The following TOX variants were observed in gnomAD, a reference collection of about 807,000 sequenced individuals.
TOX encodes thymocyte selection associated high mobility group box.
A neutral mutation model predicts 53.7 loss-of-function variants in TOX; 11 were observed. The ratio of observed to expected loss-of-function variants is 0.20; its 90% confidence interval spans 0.13 to 0.34. The LOEUF is 0.34. Among genes scored for constraint, TOX ranks in the 10% least tolerant of loss-of-function variants. The pLI, the probability that TOX is intolerant of heterozygous loss-of-function variation, is 1.00. For synonymous variants in TOX, 225 were observed against 245.3 expected (o/e 0.92, Z 0.77); for missense variants, 570 against 664.6 (o/e 0.86, Z 1.56).
intron 1 of TOX, among the ~76,000 whole-genome samples, chr8:59,110,200 T>C (rs968403073): frequency 2.6e-5 from 4 of 152,184 alleles, no homozygotes; most frequent in African/African-American, 9.6e-5. Context: ...TCATTAGCTT[T>C]GATATTAAGC....
At chr8:58,855,253 G>A (rs1810894386) in intron 3 of TOX, among the ~76,000 whole-genome samples, 1 of 151,980 alleles carries the variant, frequency 6.6e-6, no homozygotes, top group African/African-American at 2.4e-5. Flanking sequence ...TTATTAATGG[G>A]AAATGTTCTC....
chr8:58,960,003 G>A lies in TOX; in HGVS notation c.108C>T (p.Asp36=), dbSNP rs375176603. 1.1e-5 allele frequency: 17 copies of A among 1,613,954 alleles called. No individual in the cohort carries two copies. Among genetic ancestry groups the A allele is most frequent in the African/African-American group, 4.0e-5 (3 of 74,904 alleles). ...CLDPYYCNKF[D]GENMYMSMTE... is the part of the protein sequence containing the mutation. ...TCATGCTCATATACATGTTCTCACC[G>A]TCAAACTGCGAATGAAATAATAGTA... The change falls in exon 2 of 9, where the codon GAC becomes GAT. Residue 36 remains aspartate (D), a synonymous_variant. Coordinates refer to ENST00000361421, the MANE Select transcript of TOX (RefSeq NM_014729.3).
At chr8:59,035,485 T>C (rs535403710) in intron 1 of TOX, among the ~76,000 whole-genome samples, 1 of 152,340 alleles carries the variant, frequency 6.6e-6, no homozygotes, top group African/African-American at 2.4e-5. Flanking sequence ...AACGATCCTC[T>C]GTGTCAGCCT....
At chr8:58,885,894 T>C (rs1158654108) in intron 3 of TOX, among the ~76,000 whole-genome samples, 1 of 152,150 alleles carries the variant, frequency 6.6e-6, no homozygotes, top group East Asian at 1.9e-4. Context: ...AAAGGGATTT[T>C]CTAGAGTAGG....
intron 3 of TOX, among the ~76,000 whole-genome samples, chr8:58,926,491 G>T (rs1812162227): frequency 2.6e-5 from 4 of 152,186 alleles, no homozygotes; most frequent in African/African-American, 7.2e-5. Flanking sequence ...TTTGGCTTTT[G>T]TGAAGGCACT....
intron 1 of TOX, among the ~76,000 whole-genome samples, chr8:59,076,022 G>C (rs1804287520): frequency 6.6e-6 from 1 of 151,614 alleles, no homozygotes; most frequent in Non-Finnish European, 1.5e-5. Context: ...AAAAAAAAGG[G>C]GGTCAGGAAG....
chr8:59,070,996 T>C (rs928021208), intron 1 of TOX, among the ~76,000 whole-genome samples: 1 of 152,202 alleles, frequency 6.6e-6, no homozygotes, highest in African/African-American at 2.4e-5. Flanking sequence ...ATGGTGTTTC[T>C]GATTTTTCAG....
At chr8:59,037,327 C>T (rs1803488181) in intron 1 of TOX, among the ~76,000 whole-genome samples, 1 of 152,034 alleles carries the variant, frequency 6.6e-6, no homozygotes, top group South Asian at 2.1e-4. Flanking sequence ...GTCTCAACTG[C>T]CCACTTCCCT....
chr8:59,010,499 A>G (rs930648544), intron 1 of TOX, among the ~76,000 whole-genome samples: 5 of 152,074 alleles, frequency 3.3e-5, no homozygotes, highest in African/African-American at 1.2e-4. Flanking sequence ...TTATTTAGTT[A>G]CCTCTCTGCC....
intron 3 of TOX, among the ~76,000 whole-genome samples, chr8:58,867,612 A>T (rs965187967): frequency 1.3e-5 from 2 of 152,220 alleles, no homozygotes; most frequent in African/African-American, 4.8e-5. Flanking sequence ...TAACATGTAC[A>T]TGAATCTTTT....
intron 1 of TOX, among the ~76,000 whole-genome samples, chr8:58,994,471 C>CT (rs1211818846): frequency 6.6e-6 from 1 of 151,058 alleles, no homozygotes; most frequent in East Asian, 1.9e-4. Context: ...GACTAAATCT[C>CT]TTTAGACCTG....
chr8:58,808,277 G>A lies in TOX; in HGVS notation c.1393-8C>T, dbSNP rs1417428851. The stretch of plus-strand genomic sequence containing the variant: ...GGGTTGAAGAGTAAATCCCTGAAAG[G>A]GAAAGCAAGTCCGCAAATAAGGATC... On this transcript the variant is annotated splice_region_variant and splice_polypyrimidine_tract_variant and intron_variant, in intron 7 of 8. Transcript: ENST00000361421. The A allele has an allele frequency of 5.6e-6, 9 of 1,595,828 alleles. No homozygotes were observed. In the East Asian group the frequency reaches 1.1e-4, roughly 20 times the overall value.
intron 6 of TOX, among the ~76,000 whole-genome samples, chr8:58,816,988 T>C (rs2129164817): frequency 6.6e-6 from 1 of 152,268 alleles, no homozygotes; most frequent in East Asian, 1.9e-4. Context: ...GTAAGAATGA[T>C]GCTGTGTATG....
At chr8:59,021,541 G>T (rs966210973) in intron 1 of TOX, among the ~76,000 whole-genome samples, 13 of 142,388 alleles carry the variant, frequency 9.1e-5, no homozygotes, top group African/African-American at 3.1e-4. Context: ...TAGAGATAGA[G>T]ATAGATATAA....
At chr8:59,099,071 A>T (rs1055223291) in intron 1 of TOX, among the ~76,000 whole-genome samples, 1 of 152,220 alleles carries the variant, frequency 6.6e-6, no homozygotes, top group African/African-American at 2.4e-5. Flanking sequence ...GTGCCTTAAA[A>T]GACAACAGCA....
chr8:58,895,053 T>C (rs1007607645), intron 3 of TOX, among the ~76,000 whole-genome samples: 1 of 151,988 alleles, frequency 6.6e-6, no homozygotes, highest in African/African-American at 2.4e-5. Flanking sequence ...CTGGGCATGG[T>C]GGCAGGTACC....
intron 1 of TOX, among the ~76,000 whole-genome samples, chr8:58,971,553 G>A (rs879941029): frequency 1.3e-5 from 2 of 152,190 alleles, no homozygotes; most frequent in African/African-American, 2.4e-5. Context: ...CCCCCTCATG[G>A]CAAGTTTATT....
intron 5 of TOX, among the ~76,000 whole-genome samples, chr8:58,829,318 C>T (rs190342613): frequency 5.3e-5 from 8 of 152,242 alleles, no homozygotes; most frequent in Admixed American, 2.0e-4. Flanking sequence ...CCTCCAGAAT[C>T]GATGTTGTTA....
intron 1 of TOX, among the ~76,000 whole-genome samples, chr8:59,082,723 A>G (rs1338847762): frequency 6.6e-6 from 1 of 152,210 alleles, no homozygotes; most frequent in East Asian, 1.9e-4. Flanking sequence ...TCTGAAGAAT[A>G]CCATTGAGAA....
Sources: allele counts gnomAD v4.1 joint callset (sites outside exome capture counted in the v4.1 genomes callset), GRCh38; gene constraint gnomAD v4.1.1; transcripts MANE v1.5; gene names NCBI Gene and HGNC (gene_info 2026-07-23, HGNC 2026-07-21).